PCNX2: variants seen among roughly 807,000 people sequenced by gnomAD.
The protein encoded by PCNX2 is pecanex-like protein 2.
Under a neutral mutation model 223.8 loss-of-function variants are expected in PCNX2, and 168 were observed. The observed-to-expected ratio is 0.75, with a 90% CI of 0.66 to 0.85. The LOEUF is 0.85. Ranked by LOEUF, PCNX2 falls within the 40% of genes least tolerant of loss-of-function variation. The pLI is 0.00. For synonymous variants in PCNX2, 1,006 were observed against 1,052.6 expected (o/e 0.96, Z 0.86); for missense variants, 2,507 against 2,675.5 (o/e 0.94, Z 1.39).
At chr1:233,181,546 C>T (rs1679803590) in intron 15 of PCNX2, among the ~76,000 whole-genome samples, 1 of 152,120 alleles carries the variant, frequency 6.6e-6, no homozygotes, top group African/African-American at 2.4e-5. Flanking sequence ...CCCCTTGATC[C>T]AGTTGCCCTT....
chr1:233,148,457 G>A (rs1677595402), intron 19 of PCNX2, among the ~76,000 whole-genome samples: 1 of 150,586 alleles, frequency 6.6e-6, no homozygotes. Flanking sequence ...TTTTGAGATG[G>A]AGTCTCACTC....
At chr1:233,147,222 C>T (rs1187570048) in intron 19 of PCNX2, among the ~76,000 whole-genome samples, 1 of 152,146 alleles carries the variant, frequency 6.6e-6, no homozygotes. Flanking sequence ...TCCCCCAAAA[C>T]TTAACTACCA....
chr1:233,143,617 T>C (rs1487495068), intron 19 of PCNX2, among the ~76,000 whole-genome samples: 2 of 152,198 alleles, frequency 1.3e-5, no homozygotes, highest in Non-Finnish European at 2.9e-5. Context: ...TTCTGATACA[T>C]GCTCCAGTTT....
chr1:233,311,901 C>T, the PCNX2 span, among the ~76,000 whole-genome samples: 1 of 152,066 alleles, frequency 6.6e-6, no homozygotes, highest in Non-Finnish European at 1.5e-5. Flanking sequence ...GGGCAGATCA[C>T]CTGAGGCCTG....
At chr1:233,296,080 C>T (rs192739333), upstream of PCNX2, among the ~76,000 whole-genome samples, 2 of 148,788 alleles carry the variant, frequency 1.3e-5, no homozygotes, top group Non-Finnish European at 3.0e-5. Context: ...AGGGTGTTCT[C>T]ATGCAGAAGG....
chr1:233,170,990 A>G (rs1679117965), intron 17 of PCNX2, among the ~76,000 whole-genome samples: 1 of 152,216 alleles, frequency 6.6e-6, no homozygotes, highest in Non-Finnish European at 1.5e-5. Context: ...GTTGGTGCTC[A>G]AAATGTTTTG....
At chr1:233,270,646 GTAGAA>G (rs1462869156) in intron 1 of PCNX2, among the ~76,000 whole-genome samples, 3 of 152,216 alleles carry the variant, frequency 2.0e-5, no homozygotes, top group African/African-American at 7.2e-5. Context: ...GAACAAAAAA[GTAGAA>G]TAGAACACTT....
At chr1:233,050,453 A>G (rs1304203220) in intron 25 of PCNX2, among the ~76,000 whole-genome samples, 2 of 152,202 alleles carry the variant, frequency 1.3e-5, no homozygotes, top group African/African-American at 4.8e-5. Context: ...ATAGTAACCA[A>G]AACAGCATGG....
chr1:233,217,465 C>T (rs1657037886), intron 12 of PCNX2, among the ~76,000 whole-genome samples: 1 of 152,016 alleles, frequency 6.6e-6, no homozygotes, highest in Admixed American at 6.6e-5. Flanking sequence ...TTATTTAATC[C>T]ATGTAGGCAT....
intron 8 of PCNX2, among the ~76,000 whole-genome samples, chr1:233,245,814 G>A (rs1176204832): frequency 6.6e-6 from 1 of 152,130 alleles, no homozygotes. Flanking sequence ...TATTCAGGAG[G>A]CTGAGGCAGG....
intron 21 of PCNX2, among the ~76,000 whole-genome samples, chr1:233,119,568 G>A (rs1293156599): frequency 6.9e-6 from 1 of 144,856 alleles, no homozygotes; most frequent in Non-Finnish European, 1.5e-5. Context: ...CTGGGTGACA[G>A]AACGAGACCT....
rs1304951027 is a variant in PCNX2, at chr1:233,126,704, T to C, written c.3837+8309A>G. On this transcript the variant is annotated intron_variant, in intron 21 of 33. Transcript: ENST00000258229. This position sits in a 1 kb window ranked among gnomAD's most constrained non-coding sequence, Gnocchi z 4.8. Reference sequence around the variant, plus strand: ...TGATAAGAATATATTTAGGTATTACTTAAGTAAATTTAAAAAATTATTATA... The same window carrying C: ...TGATAAGAATATATTTAGGTATTACCTAAGTAAATTTAAAAAATTATTATA... Among the ~76,000 whole-genome samples the C allele has an allele frequency of 1.3e-5, 2 of 152,238 alleles. No individual in the cohort carries two copies. The highest frequency in any genetic ancestry group is 6.5e-5 in the Admixed American group (1 of 15,284).
chr1:233,306,836 G>C, the PCNX2 span, among the ~76,000 whole-genome samples: 5 of 152,232 alleles, frequency 3.3e-5, no homozygotes, highest in African/African-American at 1.2e-4. Flanking sequence ...GAGGGCTTCT[G>C]AATGAAAACA....
intron 22 of PCNX2, among the ~76,000 whole-genome samples, chr1:233,090,583 A>G (rs987889969): frequency 1.3e-5 from 2 of 152,216 alleles, no homozygotes; most frequent in African/African-American, 2.4e-5. Context: ...CTTTTTGAAA[A>G]TAAATAATAT....
At position 233,139,696 on chromosome 1, in the gene PCNX2, A is replaced by T; in HGVS notation, c.3659+18T>A. On this transcript the variant is annotated intron_variant, in intron 20 of 33. Transcript: ENST00000258229. This position sits in a 1 kb window ranked among gnomAD's most constrained non-coding sequence, Gnocchi z 4.4. ...ATGTGACCCAAATCATTATGAAGAT[A>T]AACCATTAACCACTTACTGGGTACC... 1 of 1,576,624 alleles carries T rather than the reference A, an allele frequency of 6.3e-7. No individual in the cohort carries two copies. Among genetic ancestry groups the T allele is most frequent in the Middle Eastern group, 1.8e-4 (1 of 5,424 alleles).
In PCNX2 at chr1:233,255,278, C is replaced by T. The variant is rs183171351; in HGVS notation, c.1835-2490G>A. Reference sequence around the variant, plus strand: ...CAACTTAGGACCACCCAAAGAAAACCAAACCAAACCAAGCACATAGGATGA... The same window carrying T: ...CAACTTAGGACCACCCAAAGAAAACTAAACCAAACCAAGCACATAGGATGA... On this transcript the variant is annotated intron_variant, in intron 5 of 33. Coordinates refer to ENST00000258229, the MANE Select transcript of PCNX2 (RefSeq NM_014801.4). 3.1e-3 allele frequency among the ~76,000 whole-genome samples: 474 copies of T among 152,244 alleles called. 4 individuals carry two copies. Among genetic ancestry groups the T allele is most frequent in the Non-Finnish European group, 1.3e-3 (89 of 67,996 alleles).
intron 8 of PCNX2, among the ~76,000 whole-genome samples, chr1:233,249,633 G>A (rs1401110939): frequency 6.6e-6 from 1 of 152,200 alleles, no homozygotes; most frequent in Non-Finnish European, 1.5e-5. Flanking sequence ...GACGGCAAGT[G>A]GGGCATGAAC....
chr1:233,264,524 AAAAG>A (rs146767617), intron 1 of PCNX2, among the ~76,000 whole-genome samples: 13,095 of 152,230 alleles, frequency 0.086, 686 homozygotes, highest in South Asian at 0.16. Context: ...CAGAGCACAA[AAAAG>A]AAAGAGGAAG....
chr1:232,987,130 C>A (rs1669519878), intron 32 of PCNX2, among the ~76,000 whole-genome samples: 1 of 152,250 alleles, frequency 6.6e-6, no homozygotes, highest in Admixed American at 6.5e-5. Flanking sequence ...ACTGGCCAGG[C>A]CTGGGCCTTG....
Sources: gnomAD v4.1 joint callset for allele counts (sites outside exome capture counted in the v4.1 genomes callset) on GRCh38, gnomAD v4.1.1 for gene constraint, Gnocchi (gnomAD v3.1) non-coding constraint, MANE v1.5 for transcripts, NCBI Gene and HGNC (gene_info 2026-07-23, HGNC 2026-07-21) for gene names.